ACVR1C: variants seen among roughly 807,000 people sequenced by gnomAD.
ACVR1C encodes activin receptor type-1C.
Under a neutral mutation model 57.9 loss-of-function variants are expected in ACVR1C, and 23 were observed. The ratio of observed to expected loss-of-function variants is 0.40; its 90% CI spans 0.29 to 0.56. The LOEUF (loss-of-function observed/expected upper bound fraction) is 0.56. ACVR1C is among the 20% of genes least tolerant of loss of function. The pLI, the probability that ACVR1C is intolerant of heterozygous loss-of-function variation, is 0.50. For synonymous variants in ACVR1C, 214 were observed against 215.3 expected (o/e 0.99, Z 0.05); for missense variants, 480 against 607.9 (o/e 0.79, Z 2.21).
At chr2:157,576,876 C>T (rs1688670550) in intron 2 of ACVR1C, among the ~76,000 whole-genome samples, 1 of 27,158 alleles carries the variant, frequency 3.7e-5, no homozygotes, top group Non-Finnish European at 6.3e-5. Context: ...GAGACGGAGT[C>T]TCGCTCTGTC....
At chr2:157,583,026 C>T (rs538177907) in intron 2 of ACVR1C, among the ~76,000 whole-genome samples, 17 of 152,106 alleles carry the variant, frequency 1.1e-4, no homozygotes, top group African/African-American at 3.6e-4. Flanking sequence ...GGACTACAGG[C>T]GCGTACTAAT....
Position 157,542,851 on chromosome 2 carries a change from T to C in ACVR1C, c.955A>G (p.Ile319Val). ...TTTGATTTTATGTCTCGATGAGCAA[T>C]AGCAGGTTTACCTATGAAGCAAAGA... ...EIVGTQGKPA[I>V]AHRDIKSKNI... The change falls in exon 6 of 9, where the codon ATT becomes GTT. Residue 319 changes from isoleucine to valine, a missense_variant. Transcript: ENST00000243349. The C allele has an allele frequency of 1.9e-6, 3 of 1,613,930 alleles. No individual in the cohort carries two copies. The highest frequency in any genetic ancestry group is 1.3e-5 in the African/African-American group (1 of 75,032).
At chr2:157,584,269 A>AT (rs1462978972) in intron 2 of ACVR1C, among the ~76,000 whole-genome samples, 4 of 151,370 alleles carry the variant, frequency 2.6e-5, no homozygotes, top group East Asian at 1.9e-4. Flanking sequence ...TGCCCGGCTA[A>AT]TTTTTTTTGT....
intron 1 of ACVR1C, among the ~76,000 whole-genome samples, chr2:157,612,879 G>A (rs1195010456): frequency 6.6e-6 from 1 of 152,198 alleles, no homozygotes; most frequent in Non-Finnish European, 1.5e-5. Context: ...GGTTACCAGG[G>A]CAGGATGAAT....
intron 6 of ACVR1C, 100 bp downstream of exon 6, chr2:157,542,606 G>A (rs1687648292): frequency 7.4e-7 from 1 of 1,350,218 alleles, no homozygotes; most frequent in Non-Finnish European, 1.0e-6. Context: ...GGGCCCAGTG[G>A]TTTCCTATTT....
chr2:157,544,674 T>A lies in ACVR1C; in HGVS notation c.776-62A>T, dbSNP rs950697388. The A allele has an allele frequency of 1.1e-5, 15 of 1,409,776 alleles. No individual in the cohort carries two copies. The African/African-American group carries it at 1.4e-4, about 13-fold the overall frequency. 87.3% of individuals were successfully genotyped at this position (1,409,776 alleles called of 1,614,324 possible). ...TATTGAGAAAGAAGCCAAAAGCTTT[T>A]AAAAATATCAGTGTTTAATCTGTAT... is the stretch of plus-strand genomic sequence containing the variant. On this transcript the variant is annotated intron_variant, in intron 4 of 8. Transcript: ENST00000243349.
At position 157,527,136 on chromosome 2, in the gene ACVR1C, TGAATATCATTC is replaced by T. The variant is rs532622207; in HGVS notation, c.*6771_*6781del. The stretch of plus-strand genomic sequence containing the variant: ...ACAGACTAGAAATTAATGAAACATC[TGAATATCATTC>T]ATTTCTCTTTGGAGTTTGAAATTCT... On this transcript the variant is annotated 3_prime_UTR_variant, in exon 9 of 9. Coordinates refer to ENST00000243349, the MANE Select transcript of ACVR1C (RefSeq NM_145259.3). 1.8e-3 allele frequency: 280 copies of T among 152,304 alleles called. 1 individual carries two copies. Among genetic ancestry groups the T allele is most frequent in the African/African-American group, 6.3e-3 (263 of 41,576 alleles). The allele number at this position is 152,304 out of a possible 1,614,324, so 9.4% of individuals were successfully genotyped here.
chr2:157,559,932 G>A (rs1387546799), intron 2 of ACVR1C, among the ~76,000 whole-genome samples: 19 of 151,414 alleles, frequency 1.3e-4, no homozygotes, highest in Admixed American at 1.2e-3. Flanking sequence ...AAGGAAAAAG[G>A]AAAGAGAGAG....
At chr2:157,541,353 T>C in intron 6 of ACVR1C, 139 bp from the exon 7 acceptor site, 2 of 847,902 alleles carry the variant, frequency 2.4e-6, no homozygotes, top group Non-Finnish European at 3.4e-6. Flanking sequence ...TAAAGAATAA[T>C]TATTGGCTCA....
intron 3 of ACVR1C, among the ~76,000 whole-genome samples, chr2:157,554,305 G>GAAAGGA (rs1688030768): frequency 8.1e-6 from 1 of 123,520 alleles, no homozygotes; most frequent in Admixed American, 8.6e-5. Flanking sequence ...GAGAAAGAAA[G>GAAAGGA]AAAGGAAAAG....
intron 1 of ACVR1C, among the ~76,000 whole-genome samples, chr2:157,613,389 TA>T (rs1016662210): frequency 6.6e-6 from 1 of 152,272 alleles, no homozygotes; most frequent in Admixed American, 6.5e-5. Flanking sequence ...TAAATAGTTT[TA>T]ATACTGTATT....
chr2:157,625,188 T>G (rs1682869916), intron 1 of ACVR1C, among the ~76,000 whole-genome samples: 1 of 152,192 alleles, frequency 6.6e-6, no homozygotes, highest in Non-Finnish European at 1.5e-5. Flanking sequence ...ACTGAGCTCC[T>G]GTGATCTGTC....
At position 157,583,529 on chromosome 2, in the gene ACVR1C, A is replaced by C. The variant is rs576639561; in HGVS notation, c.304+3658T>G. Among the ~76,000 whole-genome samples the C allele has an allele frequency of 2.6e-5, 4 of 152,346 alleles. No homozygotes were observed. The East Asian group carries it at 7.7e-4, about 29-fold the overall frequency. ...TGTAGAAATTGTCAAGTGGATTATA[A>C]AATTTAAATAAAAATGCAAAGGACT... On this transcript the variant is annotated intron_variant, in intron 2 of 8. Transcript: ENST00000243349.
intron 3 of ACVR1C, among the ~76,000 whole-genome samples, chr2:157,552,856 T>C (rs886396133): frequency 6.6e-6 from 1 of 152,228 alleles, no homozygotes. Flanking sequence ...TGAAGATACA[T>C]GGATTTTTGC....
chr2:157,546,315 CT>C (rs887393433), intron 4 of ACVR1C, among the ~76,000 whole-genome samples: 6 of 152,130 alleles, frequency 3.9e-5, no homozygotes, highest in Non-Finnish European at 8.8e-5. Flanking sequence ...TTGGAAAGAA[CT>C]TTTTTGGTTA....
chr2:157,535,245 T>C (rs1687453894), intron 8 of ACVR1C, among the ~76,000 whole-genome samples: 1 of 151,808 alleles, frequency 6.6e-6, no homozygotes, highest in Non-Finnish European at 1.5e-5. Flanking sequence ...TAACGGAAAT[T>C]GCCTAAGTCT....
At position 157,543,002 on chromosome 2, in the gene ACVR1C, G is replaced by T. The variant is rs4461222; in HGVS notation, c.944-140C>A. 614,039 of 781,776 alleles carry T rather than the reference G, an allele frequency of 0.79. 244,801 individuals are homozygous for T. The highest frequency in any genetic ancestry group is 0.93 in the East Asian group (34,656 of 37,172). The allele number at this position is 781,776 out of a possible 1,614,324, so 48.4% of individuals were successfully genotyped here. A position where few individuals can be genotyped will look rare whatever the true frequency, so the allele number is the denominator to read the frequency against. On this transcript the variant is annotated intron_variant, in intron 5 of 8. Coordinates refer to ENST00000243349, the MANE Select transcript of ACVR1C (RefSeq NM_145259.3). ...CTCTTGTCACTATCTAAATTATCTT[G>T]TTTATTTATGTACATGCTGAATCAT...
At chr2:157,597,637 A>G (rs1422344419) in intron 1 of ACVR1C, 2 of 897,710 alleles carry the variant, frequency 2.2e-6, no homozygotes, top group African/African-American at 1.8e-5. Flanking sequence ...GAGGCAGGCT[A>G]TTTTTTACAG....
At chr2:157,546,338 T>G (rs1488549733) in intron 4 of ACVR1C, among the ~76,000 whole-genome samples, 1 of 152,196 alleles carries the variant, frequency 6.6e-6, no homozygotes, top group Non-Finnish European at 1.5e-5. Context: ...CCATCTTGCC[T>G]TTACCCCATT....
Sources: allele counts gnomAD v4.1 joint callset (sites outside exome capture counted in the v4.1 genomes callset), GRCh38; gene constraint gnomAD v4.1.1; transcripts MANE v1.5; gene names NCBI Gene and HGNC (gene_info 2026-07-23, HGNC 2026-07-21).